TGFBR3: variants seen among roughly 807,000 people sequenced by gnomAD.
The protein encoded by TGFBR3 is transforming growth factor beta receptor 3.
TGFBR3 carries 46 observed loss-of-function variants against 87.9 expected under a neutral mutation model. The ratio of observed to expected loss-of-function variants is 0.52; its 90% CI spans 0.41 to 0.67. TGFBR3 has a LOEUF of 0.67. Ranked by LOEUF, TGFBR3 falls within the 30% of genes least tolerant of loss-of-function variation. TGFBR3 has a pLI of 0.00. For missense variants in TGFBR3, 866 were observed against 1,041.9 expected (o/e 0.83, Z 2.32); for synonymous variants, 381 against 391.6 (o/e 0.97, Z 0.32).
chr1:91,901,342 G>C (rs1014429418), intron 1 of TGFBR3, among the ~76,000 whole-genome samples: 1 of 152,144 alleles, frequency 6.6e-6, no homozygotes, highest in African/African-American at 2.4e-5. Flanking sequence ...CTCCAGCATG[G>C]AAGAAAAGGA....
Position 91,681,309 on chromosome 1 carries a change from TGA to T in TGFBR3, c.*2428_*2429del, listed in dbSNP as rs1223967893. ...ACTTAACGACATTCACTCTCCAATA[TGA>T]GATTAGGTTTTATCGACACAGATTT... On this transcript the variant is annotated 3_prime_UTR_variant, in exon 17 of 17. Coordinates refer to ENST00000212355, the MANE Select transcript of TGFBR3 (RefSeq NM_003243.5). The T allele has an allele frequency of 2.2e-5, 10 of 445,654 alleles. No individual in the cohort carries two copies. Among genetic ancestry groups the T allele is most frequent in the Admixed American group, 1.2e-4 (5 of 41,134 alleles). The allele number at this position is 445,654 out of a possible 1,614,324, so 27.6% of individuals were successfully genotyped here. A position where few individuals can be genotyped will look rare whatever the true frequency, so the allele number is the denominator to read the frequency against.
intron 2 of TGFBR3, among the ~76,000 whole-genome samples, chr1:91,860,153 TACCTA>T (rs1678125237): frequency 6.6e-6 from 1 of 152,206 alleles, no homozygotes; most frequent in African/African-American, 2.4e-5. Context: ...CTACGCAAGT[TACCTA>T]ATCTCTCCAT....
intron 13 of TGFBR3, among the ~76,000 whole-genome samples, chr1:91,710,585 A>G (rs1671945475): frequency 6.6e-6 from 1 of 152,184 alleles, no homozygotes; most frequent in Non-Finnish European, 1.5e-5. Context: ...CACAGAAAGC[A>G]CTCAGAAAAT....
At chr1:91,774,148 C>CCT (rs557044044) in intron 3 of TGFBR3, among the ~76,000 whole-genome samples, 2 of 148,030 alleles carry the variant, frequency 1.4e-5, no homozygotes, top group African/African-American at 5.0e-5. Context: ...ATATACTTTT[C>CCT]TTTTTTTTTT....
intron 8 of TGFBR3, among the ~76,000 whole-genome samples, chr1:91,720,462 T>C (rs767278374): frequency 3.7e-4 from 57 of 152,348 alleles, no homozygotes; most frequent in Admixed American, 1.4e-3. Context: ...GCCTCAAATT[T>C]GCTTTTCCAA....
intron 3 of TGFBR3, among the ~76,000 whole-genome samples, chr1:91,781,730 C>G (rs1674774627): frequency 6.6e-6 from 1 of 151,946 alleles, no homozygotes; most frequent in Non-Finnish European, 1.5e-5. Flanking sequence ...AAAAACCTCA[C>G]AGCAAGTCAA....
intron 1 of TGFBR3, among the ~76,000 whole-genome samples, chr1:91,901,830 T>C (rs1384876097): frequency 6.6e-6 from 1 of 151,692 alleles, no homozygotes; most frequent in Non-Finnish European, 1.5e-5. Flanking sequence ...GGAGGATCAC[T>C]TGAGTCCAGG....
intron 2 of TGFBR3, among the ~76,000 whole-genome samples, chr1:91,839,233 C>T (rs1032140733): frequency 1.3e-5 from 2 of 152,164 alleles, no homozygotes; most frequent in Non-Finnish European, 2.9e-5. Flanking sequence ...CCACCTCACC[C>T]CGTGAAAGTA....
At chr1:91,840,859 G>A (rs1012560448) in intron 2 of TGFBR3, among the ~76,000 whole-genome samples, 3 of 151,456 alleles carry the variant, frequency 2.0e-5, no homozygotes, top group Non-Finnish European at 4.4e-5. Context: ...TGCCCAGGCT[G>A]GAGTGCAATG....
chr1:91,838,508 G>A (rs1677144242), intron 2 of TGFBR3, among the ~76,000 whole-genome samples: 1 of 149,788 alleles, frequency 6.7e-6, no homozygotes, highest in South Asian at 2.1e-4. Flanking sequence ...GCCCAGGCTG[G>A]AGTGCAGTGG....
intron 16 of TGFBR3, among the ~76,000 whole-genome samples, chr1:91,686,625 A>G (rs944507286): frequency 1.3e-5 from 2 of 152,020 alleles, no homozygotes; most frequent in African/African-American, 4.8e-5. Context: ...TTCACTGTCA[A>G]ATGGAAGTGA....
chr1:91,740,042 G>T (rs1241341260), intron 4 of TGFBR3, among the ~76,000 whole-genome samples: 1 of 152,136 alleles, frequency 6.6e-6, no homozygotes, highest in Non-Finnish European at 1.5e-5. Flanking sequence ...CAACACTGGG[G>T]ATTACAATTT....
chr1:91,886,347 C>T (rs960314780), upstream of TGFBR3: 11 of 360,302 alleles, frequency 3.1e-5, no homozygotes, highest in Non-Finnish European at 5.5e-5. Flanking sequence ...TTTGCCTCCG[C>T]GGCTGATGGA....
chr1:91,764,840 A>G (rs1240228371), intron 3 of TGFBR3, among the ~76,000 whole-genome samples: 1 of 152,134 alleles, frequency 6.6e-6, no homozygotes, highest in Non-Finnish European at 1.5e-5. Context: ...TCACAATGCC[A>G]TCTCCAGTAA....
intron 8 of TGFBR3, among the ~76,000 whole-genome samples, chr1:91,721,301 A>T (rs1395379543): frequency 3.3e-5 from 5 of 152,182 alleles, no homozygotes; most frequent in Non-Finnish European, 7.3e-5. Flanking sequence ...CTGAAGAAAA[A>T]TCTGTGGCTC....
At chr1:91,830,871 C>G (rs1043817351) in intron 2 of TGFBR3, among the ~76,000 whole-genome samples, 2 of 152,100 alleles carry the variant, frequency 1.3e-5, no homozygotes, top group African/African-American at 2.4e-5. Context: ...GCTTCTGCAC[C>G]CTGTGTGCCG....
At chr1:91,705,281 G>A (rs1268043832) in intron 14 of TGFBR3, among the ~76,000 whole-genome samples, 2 of 147,032 alleles carry the variant, frequency 1.4e-5, no homozygotes, top group African/African-American at 2.5e-5. Flanking sequence ...CTGGAGTACA[G>A]TGGCGCGATC....
intron 16 of TGFBR3, among the ~76,000 whole-genome samples, chr1:91,684,964 T>C (rs1379023045): frequency 6.6e-6 from 1 of 152,102 alleles, no homozygotes; most frequent in Non-Finnish European, 1.5e-5. Context: ...AAGCAACCCT[T>C]CCAGCTGCTT....
intron 4 of TGFBR3, among the ~76,000 whole-genome samples, chr1:91,747,545 C>T (rs1158251810): frequency 6.6e-6 from 1 of 152,186 alleles, no homozygotes; most frequent in East Asian, 1.9e-4. Flanking sequence ...AATTACTTGG[C>T]TAGAAGTCAA....
Sources: allele counts gnomAD v4.1 joint callset (sites outside exome capture counted in the v4.1 genomes callset), GRCh38; gene constraint gnomAD v4.1.1; transcripts MANE v1.5; gene names NCBI Gene and HGNC (gene_info 2026-07-23, HGNC 2026-07-21).